ZNF860: variants seen among roughly 807,000 people sequenced by gnomAD.
The protein encoded by ZNF860 is zinc finger protein 860.
For synonymous variants in ZNF860, 206 were observed against 248.9 expected (o/e 0.83, Z 1.62); for missense variants, 641 against 759.2 (o/e 0.84, Z 1.83).
the ZNF860 span, among the ~76,000 whole-genome samples, chr3:32,004,293 G>A: frequency 2.6e-5 from 4 of 152,098 alleles, no homozygotes; most frequent in Non-Finnish European, 4.4e-5. Context: ...TGGACCTGGA[G>A]GGCCTCCAGC....
At chr3:31,996,657 C>T (rs1221838711), downstream of ZNF860, among the ~76,000 whole-genome samples, 4 of 152,160 alleles carry the variant, frequency 2.6e-5, no homozygotes, top group East Asian at 5.8e-4. Context: ...AAGCTGTTGC[C>T]GGGTGCTGAC....
At chr3:32,001,735 G>A in the ZNF860 span, among the ~76,000 whole-genome samples, 8 of 147,962 alleles carry the variant, frequency 5.4e-5, no homozygotes, top group African/African-American at 1.8e-4. Context: ...CTAATATCAA[G>A]TGTAAAAAAA....
downstream of ZNF860, among the ~76,000 whole-genome samples, chr3:31,992,602 C>A (rs1009374073): frequency 1.3e-5 from 2 of 152,172 alleles, no homozygotes; most frequent in Admixed American, 1.3e-4. Context: ...CTGACTCTGA[C>A]CCTCCTGCAT....
chr3:32,004,773 A>G, the ZNF860 span, among the ~76,000 whole-genome samples: 1 of 152,248 alleles, frequency 6.6e-6, no homozygotes, highest in Non-Finnish European at 1.5e-5. Flanking sequence ...TTGCAGGTGT[A>G]TGGCTTAGCC....
In ZNF860 at chr3:31,990,886, T is replaced by C; in HGVS notation, c.1807T>C (p.Phe603Leu). 1 of 1,576,018 alleles carries C rather than the reference T, an allele frequency of 6.3e-7. No individual in the cohort carries two copies. Among genetic ancestry groups the C allele is most frequent in the Non-Finnish European group, 8.6e-7 (1 of 1,159,582 alleles). ...CAAGTGTGATGATTGTGGCAAAGCC[T>C]TTACTTCACATTCACATCGCATTAG... ...HHKCDDCGKA[F>L]TSHSHRIRHQ... The change falls in exon 2 of 2, where the codon TTT (phenylalanine) becomes CTT (leucine). Residue 603 changes from phenylalanine to leucine, a missense_variant. Physicochemically the swap from Phe to Leu is conservative, Grantham distance 22. Transcript: ENST00000360311.
At position 31,991,298 on chromosome 3, in the gene ZNF860, C is replaced by A; in HGVS notation, c.*320C>A. 3.6e-6 allele frequency: 1 copy of A among 275,320 alleles called. No homozygotes were observed. The allele number at this position is 275,320 out of a possible 1,614,324, so 17.1% of individuals were successfully genotyped here. ...ACTTTTCCTAGCCTGTTTTTTGTTTCTGATAGGGATTTTTATGGGTATTGT... is the reference window on the plus strand; with the variant it reads ...ACTTTTCCTAGCCTGTTTTTTGTTTATGATAGGGATTTTTATGGGTATTGT... On this transcript the variant is annotated 3_prime_UTR_variant, in exon 2 of 2. Transcript: ENST00000360311.
At chr3:31,983,566 G>A (rs1250612349) in intron 1 of ZNF860, among the ~76,000 whole-genome samples, 1 of 152,196 alleles carries the variant, frequency 6.6e-6, no homozygotes, top group East Asian at 1.9e-4. Flanking sequence ...ATGTCCAAGA[G>A]GTGAGTGGAG....
chr3:31,994,366 A>G (rs148659189), downstream of ZNF860, among the ~76,000 whole-genome samples: 1,422 of 152,294 alleles, frequency 9.3e-3, 29 homozygotes, highest in African/African-American at 0.032. Flanking sequence ...CTGTCCACCA[A>G]AAATAGTGAA....
the ZNF860 span, among the ~76,000 whole-genome samples, chr3:32,005,275 C>T: frequency 3.3e-5 from 5 of 152,138 alleles, no homozygotes; most frequent in African/African-American, 4.8e-5. Flanking sequence ...ATGATGCACA[C>T]GCACATCTAG....
the ZNF860 span, among the ~76,000 whole-genome samples, chr3:32,002,741 C>T: frequency 6.6e-6 from 1 of 152,230 alleles, no homozygotes; most frequent in African/African-American, 2.4e-5. Flanking sequence ...GCACTACTCA[C>T]TCCAAGAAGG....
chr3:31,994,744 A>G (rs955237687), downstream of ZNF860, among the ~76,000 whole-genome samples: 1 of 152,220 alleles, frequency 6.6e-6, no homozygotes. Flanking sequence ...AGGAAGAAAC[A>G]GTCTAGATAT....
the ZNF860 span, among the ~76,000 whole-genome samples, chr3:32,001,444 T>C: frequency 2.0e-5 from 3 of 152,204 alleles, no homozygotes; most frequent in African/African-American, 7.2e-5. Context: ...GCTCTCATTG[T>C]GTTAAATTAA....
chr3:31,999,987 G>A, the ZNF860 span, among the ~76,000 whole-genome samples: 5 of 152,092 alleles, frequency 3.3e-5, no homozygotes, highest in Admixed American at 2.6e-4. Context: ...ATATCTAGTG[G>A]TGCGGCCTCA....
chr3:31,985,147 G>A (rs942546787), intron 1 of ZNF860, among the ~76,000 whole-genome samples: 2 of 152,168 alleles, frequency 1.3e-5, no homozygotes, highest in African/African-American at 4.8e-5. Context: ...GCTGAGGCAG[G>A]AAAATCGCTT....
At chr3:31,999,359 C>CTTT in the ZNF860 span, among the ~76,000 whole-genome samples, 145 of 125,832 alleles carry the variant, frequency 1.2e-3, 5 homozygotes, top group African/African-American at 3.6e-3. Flanking sequence ...ATATCAAAAT[C>CTTT]TTTTTTTTTT....
At chr3:31,999,886 C>G in the ZNF860 span, among the ~76,000 whole-genome samples, 1 of 152,080 alleles carries the variant, frequency 6.6e-6, no homozygotes, top group Admixed American at 6.6e-5. Flanking sequence ...GAAAACCGAA[C>G]CTTAAAAAGG....
chr3:31,987,097 C>CAT (rs565461994), intron 1 of ZNF860, among the ~76,000 whole-genome samples: 113 of 144,862 alleles, frequency 7.8e-4, no homozygotes, highest in African/African-American at 3.1e-3. Flanking sequence ...TATGTATGTC[C>CAT]ATATATATGT....
downstream of ZNF860, among the ~76,000 whole-genome samples, chr3:31,993,273 G>A (rs910823179): frequency 2.0e-5 from 3 of 151,412 alleles, no homozygotes; most frequent in South Asian, 4.2e-4. Context: ...GCAATGGCAC[G>A]ATCTCAGCTC....
Position 31,990,992 on chromosome 3 carries a change from C to A in ZNF860, c.*14C>A. ...GTCTTCAGTTAGAGGTCACTCCTTG[C>A]AAAACATCAGAAAATTCATTCCTGA... On this transcript the variant is annotated 3_prime_UTR_variant, in exon 2 of 2. Coordinates refer to ENST00000360311, the MANE Select transcript of ZNF860 (RefSeq NM_001137674.3). The A allele has an allele frequency of 6.4e-7, 1 of 1,551,956 alleles. No individual in the cohort carries two copies. The highest frequency in any genetic ancestry group is 8.7e-7 in the Non-Finnish European group (1 of 1,151,280).
Sources: gnomAD v4.1 joint callset for allele counts (sites outside exome capture counted in the v4.1 genomes callset) on GRCh38, gnomAD v4.1.1 for gene constraint, MANE v1.5 for transcripts, NCBI Gene and HGNC (gene_info 2026-07-23, HGNC 2026-07-21) for gene names.